The following CSNK1G1 variants were observed in gnomAD, a reference collection of about 807,000 sequenced individuals.
CSNK1G1 encodes casein kinase 1 gamma 1.
Under a neutral mutation model 59.6 loss-of-function variants are expected in CSNK1G1, and 22 were observed. That is an observed-to-expected ratio of 0.37 (90% CI 0.26 to 0.53). CSNK1G1 has a LOEUF of 0.53. CSNK1G1 is among the 20% of genes least tolerant of loss of function. The pLI, the probability that CSNK1G1 is intolerant of heterozygous loss-of-function variation, is 0.89. For synonymous variants in CSNK1G1, 179 were observed against 177.1 expected (o/e 1.01, Z -0.08); for missense variants, 384 against 519.5 (o/e 0.74, Z 2.54).
chr15:64,322,426 C>G (rs946216945), intron 1 of CSNK1G1, among the ~76,000 whole-genome samples: 38 of 151,952 alleles, frequency 2.5e-4, no homozygotes, highest in Non-Finnish European at 1.5e-4. Flanking sequence ...TGGTCTCGAA[C>G]TCCTGGGCTC....
At chr15:64,339,212 A>AT (rs1314455781) in intron 1 of CSNK1G1, among the ~76,000 whole-genome samples, 1 of 152,198 alleles carries the variant, frequency 6.6e-6, no homozygotes, top group Non-Finnish European at 1.5e-5. Flanking sequence ...TCATCTGCAA[A>AT]TCTGCTGAAA....
chr15:64,339,023 A>C (rs1311725493), intron 1 of CSNK1G1, among the ~76,000 whole-genome samples: 2 of 152,144 alleles, frequency 1.3e-5, no homozygotes, highest in African/African-American at 4.8e-5. Flanking sequence ...ATCTCAAAAA[A>C]AAAGTACTTC....
rs75472206 is a variant in CSNK1G1, at chr15:64,173,396, T to A, written c.1215-1411A>T. Reference sequence around the variant, plus strand: ...TAGAAATAGGACTTTCTTAAGAGGGTCTTTGGAAAGATTTTCTCTGAAAGT... The same window carrying A: ...TAGAAATAGGACTTTCTTAAGAGGGACTTTGGAAAGATTTTCTCTGAAAGT... On this transcript the variant is annotated intron_variant, in intron 11 of 11. Coordinates refer to ENST00000303052, the MANE Select transcript of CSNK1G1 (RefSeq NM_022048.5). Among the ~76,000 whole-genome samples the A allele has an allele frequency of 3.0e-3, 452 of 152,218 alleles. 1 individual carries two copies. Among genetic ancestry groups the A allele is most frequent in the African/African-American group, 0.01 (435 of 41,544 alleles).
At chr15:64,325,606 A>AT (rs1358435379) in intron 1 of CSNK1G1, among the ~76,000 whole-genome samples, 2 of 152,222 alleles carry the variant, frequency 1.3e-5, no homozygotes, top group Non-Finnish European at 2.9e-5. Flanking sequence ...TAAAAGCTCC[A>AT]TAATTATAAC....
chr15:64,302,477 T>C (rs1384739522), intron 1 of CSNK1G1, among the ~76,000 whole-genome samples: 6 of 152,144 alleles, frequency 3.9e-5, no homozygotes, highest in Non-Finnish European at 7.3e-5. Context: ...TTTACATTTA[T>C]AATGTATATT....
intron 10 of CSNK1G1, among the ~76,000 whole-genome samples, chr15:64,201,706 A>ATG (rs10664838): frequency 0.31 from 39,335 of 126,084 alleles, 5,602 homozygotes; most frequent in East Asian, 0.51. Flanking sequence ...TCCATTGGAC[A>ATG]TGTGTGTGTG....
At chr15:64,189,148 CA>C (rs905371688) in intron 10 of CSNK1G1, among the ~76,000 whole-genome samples, 2 of 151,472 alleles carry the variant, frequency 1.3e-5, no homozygotes, top group East Asian at 1.9e-4. Flanking sequence ...ATAATAATAA[CA>C]AAAAAAATAG....
At chr15:64,309,034 G>A (rs947362456) in intron 1 of CSNK1G1, among the ~76,000 whole-genome samples, 1 of 152,016 alleles carries the variant, frequency 6.6e-6, no homozygotes, top group Non-Finnish European at 1.5e-5. Flanking sequence ...GGCTTCCAAA[G>A]GGCCCTGGAC....
intron 4 of CSNK1G1, among the ~76,000 whole-genome samples, chr15:64,243,955 G>A (rs1891613868): frequency 6.6e-6 from 1 of 152,022 alleles, no homozygotes; most frequent in Admixed American, 6.6e-5. Flanking sequence ...GATCACCTGA[G>A]GTCAGGACTT....
intron 4 of CSNK1G1, among the ~76,000 whole-genome samples, chr15:64,241,965 TA>T (rs1208335691): frequency 1.3e-5 from 2 of 150,864 alleles, no homozygotes; most frequent in African/African-American, 4.9e-5. Flanking sequence ...TTAGCTAGAC[TA>T]ACCAAGAAAA....
chr15:64,342,285 T>C (rs1369279885), intron 1 of CSNK1G1, among the ~76,000 whole-genome samples: 1 of 152,226 alleles, frequency 6.6e-6, no homozygotes, highest in African/African-American at 2.4e-5. Flanking sequence ...TTTGCTGATC[T>C]GTAAAACTGG....
intron 2 of CSNK1G1, among the ~76,000 whole-genome samples, chr15:64,277,910 TTAA>T (rs1016453124): frequency 1.3e-3 from 193 of 143,666 alleles, no homozygotes; most frequent in Admixed American, 3.6e-3. Flanking sequence ...ATTGATATAT[TTAA>T]TAATAATATT....
At chr15:64,228,901 C>T (rs1178508727) in intron 4 of CSNK1G1, among the ~76,000 whole-genome samples, 1 of 151,344 alleles carries the variant, frequency 6.6e-6, no homozygotes, top group African/African-American at 2.4e-5. Context: ...GTTTGTGGTC[C>T]CAGCTACTTG....
chr15:64,190,179 T>A lies in CSNK1G1; in HGVS notation c.1108-9725A>T, dbSNP rs561142848. On this transcript the variant is annotated intron_variant, in intron 10 of 11. Coordinates refer to ENST00000303052, the MANE Select transcript of CSNK1G1 (RefSeq NM_022048.5). Reference sequence around the variant, plus strand: ...ATATGGACAAGAGTATTATAAAGGATCCTGTTCATATTTTCTCTGCTCTTC... The same window carrying A: ...ATATGGACAAGAGTATTATAAAGGAACCTGTTCATATTTTCTCTGCTCTTC... Among the ~76,000 whole-genome samples, 11 of 152,176 alleles carry A rather than the reference T, an allele frequency of 7.2e-5. No individual in the cohort carries two copies. In the East Asian group the frequency reaches 2.1e-3, roughly 29 times the overall value.
chr15:64,339,424 T>C (rs1409534166), intron 1 of CSNK1G1, among the ~76,000 whole-genome samples: 1 of 152,190 alleles, frequency 6.6e-6, no homozygotes, highest in African/African-American at 2.4e-5. Context: ...GCGATTCTCC[T>C]GCCTCAGCCT....
At chr15:64,193,028 C>T (rs1170918917) in intron 10 of CSNK1G1, among the ~76,000 whole-genome samples, 3 of 152,118 alleles carry the variant, frequency 2.0e-5, no homozygotes, top group Non-Finnish European at 4.4e-5. Flanking sequence ...TAAGTCTTCT[C>T]AGCCTCATTA....
At chr15:64,212,166 T>C (rs982669251) in intron 6 of CSNK1G1, among the ~76,000 whole-genome samples, 2 of 152,212 alleles carry the variant, frequency 1.3e-5, no homozygotes, top group Non-Finnish European at 2.9e-5. Flanking sequence ...AAGTAACTTG[T>C]CCAAAGTAAC....
Position 64,184,537 on chromosome 15 carries a change from C to T in CSNK1G1, c.1108-4083G>A, listed in dbSNP as rs145970952. Reference sequence around the variant, plus strand: ...ATTAAAATACAAAAAATCAGCTGGGCGTGGTGGCGGGCGCCTGTAATCCCA... The same window carrying T: ...ATTAAAATACAAAAAATCAGCTGGGTGTGGTGGCGGGCGCCTGTAATCCCA... On this transcript the variant is annotated intron_variant, in intron 10 of 11. Coordinates refer to ENST00000303052, the MANE Select transcript of CSNK1G1 (RefSeq NM_022048.5). Among the ~76,000 whole-genome samples the T allele has an allele frequency of 6.9e-3, 1,040 of 151,038 alleles. 16 individuals are homozygous for T. The highest frequency in any genetic ancestry group is 0.023 in the African/African-American group (951 of 41,136).
At position 64,180,486 on chromosome 15, in the gene CSNK1G1, C is replaced by T. The variant is rs774743347; in HGVS notation, c.1108-32G>A. 3 of 1,545,652 alleles carry T rather than the reference C, an allele frequency of 1.9e-6. No homozygotes were observed. In the Admixed American group the frequency reaches 5.0e-5, roughly 26 times the overall value. ...CAGAAAGACAGAAGTGTGTGACAGG[C>T]ACCATGGCAACAGAAATCTCTTGCC... is the stretch of plus-strand genomic sequence containing the variant. On this transcript the variant is annotated intron_variant, in intron 10 of 11. Transcript: ENST00000303052.
Sources: gnomAD v4.1 joint callset for allele counts (sites outside exome capture counted in the v4.1 genomes callset) on GRCh38, gnomAD v4.1.1 for gene constraint, MANE v1.5 for transcripts, NCBI Gene and HGNC (gene_info 2026-07-23, HGNC 2026-07-21) for gene names.